Variants in TSNAX observed in about 807,000 individuals in gnomAD.
The protein encoded by TSNAX is translin associated factor X, also known as translin-associated protein X.
Under a neutral mutation model 33.0 loss-of-function variants are expected in TSNAX, and 12 were observed. The observed-to-expected ratio is 0.36, with a 90% CI of 0.23 to 0.59. The LOEUF is 0.59. Among genes scored for constraint, TSNAX ranks in the 20% least tolerant of loss-of-function variants. The pLI is 0.74. For missense variants in TSNAX, 267 were observed against 341.3 expected, an observed-to-expected ratio of 0.78 and a Z score of 1.72; for synonymous variants, 110 against 117.2, an observed-to-expected ratio of 0.94 and a Z score of 0.40.
rs1314379018 is a variant in TSNAX, at chr1:231,530,501, T to A, written c.121+1142T>A. Among the ~76,000 whole-genome samples the A allele has an allele frequency of 2.0e-5, 3 of 152,010 alleles. No individual in the cohort carries two copies. In the East Asian group the frequency reaches 5.8e-4, roughly 30 times the overall value. ...CGAGGCCATGAGTTTGAGACCAGCC[T>A]GGCCAACATGGTGAAACCCTGACTC... On this transcript the variant is annotated intron_variant, in intron 2 of 5. Coordinates refer to ENST00000366639, the MANE Select transcript of TSNAX (RefSeq NM_005999.3).
chr1:231,563,234 A>G (rs1028135177), intron 5 of TSNAX, among the ~76,000 whole-genome samples: 2 of 152,138 alleles, frequency 1.3e-5, no homozygotes, highest in Non-Finnish European at 2.9e-5. Flanking sequence ...AACTTCACCT[A>G]CCCTTTTATA....
At position 231,547,389 on chromosome 1, in the gene TSNAX, C is replaced by CTTT. The variant is rs71179784; in HGVS notation, c.367+4795_367+4797dup. Among the ~76,000 whole-genome samples, 47 of 104,686 alleles carry CTTT rather than the reference C, an allele frequency of 4.5e-4. 1 individual carries two copies. Among genetic ancestry groups the CTTT allele is most frequent in the African/African-American group, 7.2e-4 (19 of 26,298 alleles). The allele number at this position is 104,686 out of a possible 152,430, so 68.7% of individuals were successfully genotyped here. The stretch of plus-strand genomic sequence containing the variant: ...GCTAAAGGCTTTTTCTTTTTTTTTT[C>CTTT]TTTTTTTTTTTTTTTTTTTGAGATG... On this transcript the variant is annotated intron_variant, in intron 4 of 5. Transcript: ENST00000366639.
Position 231,532,862 on chromosome 1 carries a change from A to G in TSNAX, c.121+3503A>G, listed in dbSNP as rs575096440. 1.8e-4 allele frequency among the ~76,000 whole-genome samples: 28 copies of G among 152,268 alleles called. No homozygotes were observed. In the East Asian group the frequency reaches 5.2e-3, roughly 28 times the overall value. ...GATTTTATTCTCTTCATTTTCATAA[A>G]CTGAATAATTATTGCTTTCTTACAT... On this transcript the variant is annotated intron_variant, in intron 2 of 5. Coordinates refer to ENST00000366639, the MANE Select transcript of TSNAX (RefSeq NM_005999.3).
chr1:231,546,830 A>T (rs1271010539), intron 4 of TSNAX, among the ~76,000 whole-genome samples: 2 of 152,144 alleles, frequency 1.3e-5, no homozygotes, highest in African/African-American at 4.8e-5. Context: ...ATGATTTCCA[A>T]GATGAGCCAG....
intron 5 of TSNAX, 78 bp from the exon 6 acceptor site, chr1:231,564,450 C>T: frequency 6.6e-7 from 1 of 1,520,936 alleles, no homozygotes; most frequent in South Asian, 1.3e-5. Flanking sequence ...GTGATACATG[C>T]TATATTCACT....
chr1:231,562,406 ATTAAC>A (rs1661177835), intron 5 of TSNAX, among the ~76,000 whole-genome samples: 1 of 152,092 alleles, frequency 6.6e-6, no homozygotes, highest in Non-Finnish European at 1.5e-5. Context: ...GAAGCCATGT[ATTAAC>A]TTTAAGTTAT....
In TSNAX at chr1:231,538,043, ATAT is replaced by A. The variant is rs370304837; in HGVS notation, c.236+722_236+724del. Among the ~76,000 whole-genome samples, 397 of 152,254 alleles carry A rather than the reference ATAT, an allele frequency of 2.6e-3. 1 individual carries two copies. Among genetic ancestry groups the A allele is most frequent in the African/African-American group, 9.1e-3 (378 of 41,562 alleles). On this transcript the variant is annotated intron_variant, in intron 3 of 5. Transcript: ENST00000366639. ...TTATTGAAATGCCCTTGTTACCTTC[ATAT>A]TATTAAGTCTCTGTTTTCTTATTTT...
intron 4 of TSNAX, among the ~76,000 whole-genome samples, chr1:231,551,530 T>C (rs552201444): frequency 6.6e-6 from 1 of 152,330 alleles, no homozygotes; most frequent in Admixed American, 6.5e-5. Context: ...ATATAACCAT[T>C]AACAAATGTT....
At chr1:231,532,312 C>T (rs1051132732) in intron 2 of TSNAX, among the ~76,000 whole-genome samples, 13 of 151,836 alleles carry the variant, frequency 8.6e-5, no homozygotes, top group Admixed American at 8.5e-4. Flanking sequence ...CCACCTCAAC[C>T]TCCCAAGTAG....
chr1:231,530,559 T>C (rs1191705393), intron 2 of TSNAX, among the ~76,000 whole-genome samples: 3 of 151,882 alleles, frequency 2.0e-5, no homozygotes, highest in African/African-American at 7.3e-5. Context: ...CCGTCTCTAC[T>C]AAAAATACAA....
At chr1:231,559,985 A>ATTTTTT (rs1220762707) in intron 4 of TSNAX, among the ~76,000 whole-genome samples, 2 of 142,344 alleles carry the variant, frequency 1.4e-5, no homozygotes, top group Non-Finnish European at 3.0e-5. Flanking sequence ...TATTATTATT[A>ATTTTTT]TTTTTTTTTT....
intron 4 of TSNAX, among the ~76,000 whole-genome samples, chr1:231,548,637 A>G (rs1365400260): frequency 2.0e-5 from 3 of 152,260 alleles, no homozygotes; most frequent in Non-Finnish European, 2.9e-5. Context: ...GGTTTGGCCA[A>G]CTGGATGAAT....
intron 2 of TSNAX, among the ~76,000 whole-genome samples, chr1:231,530,353 A>G (rs1054951767): frequency 6.6e-6 from 1 of 152,218 alleles, no homozygotes; most frequent in Non-Finnish European, 1.5e-5. Context: ...GATCGTCAGA[A>G]GTTTAAGACA....
intron 4 of TSNAX, among the ~76,000 whole-genome samples, chr1:231,552,412 T>C (rs1186906441): frequency 6.6e-6 from 1 of 152,200 alleles, no homozygotes; most frequent in African/African-American, 2.4e-5. Flanking sequence ...CATATAGATA[T>C]ATTTATTTTC....
At position 231,561,054 on chromosome 1, in the gene TSNAX, A is replaced by G. The variant is rs772461534; in HGVS notation, c.368-74A>G. 2.6e-5 allele frequency: 38 copies of G among 1,460,956 alleles called. No homozygotes were observed. In the Admixed American group the frequency reaches 4.4e-4, roughly 17 times the overall value. The allele number at this position is 1,460,956 out of a possible 1,614,324, so 90.5% of individuals were successfully genotyped here. On this transcript the variant is annotated intron_variant, in intron 4 of 5. Coordinates refer to ENST00000366639, the MANE Select transcript of TSNAX (RefSeq NM_005999.3). ...TTTTTTGAACTAGATGATGATCAAT[A>G]TGAAGTTTTTTTATTATGACATTCT... is the stretch of plus-strand genomic sequence containing the variant.
At chr1:231,551,448 G>A (rs1254053113) in intron 4 of TSNAX, among the ~76,000 whole-genome samples, 1 of 152,120 alleles carries the variant, frequency 6.6e-6, no homozygotes, top group Admixed American at 6.5e-5. Context: ...TTTAGCATGA[G>A]AACATTAATA....
Position 231,564,770 on chromosome 1 carries a change from G to A in TSNAX, c.738G>A (p.Leu246=), listed in dbSNP as rs775462552. The part of the protein sequence containing the change: ...PYEVSKKLYT[L]KQSLAKVENA... The stretch of plus-strand genomic sequence containing the variant: ...AGGTTTCTAAGAAGCTGTATACCTT[G>A]AAACAAAGTTTGGCCAAAGTGGAGA... Residue 246 remains leucine (L), a synonymous_variant, in exon 6 of 6, where the codon TTG becomes TTA. Transcript: ENST00000366639. The A allele has an allele frequency of 1.2e-5, 19 of 1,614,060 alleles. No individual in the cohort carries two copies. The South Asian group carries it at 2.1e-4, about 18-fold the overall frequency.
chr1:231,554,477 G>A (rs1395305327), intron 4 of TSNAX: 1 of 152,152 alleles, frequency 6.6e-6, no homozygotes, highest in African/African-American at 2.4e-5. Context: ...GAGTTCTAGG[G>A]TGCAAAATAG....
chr1:231,541,697 T>C (rs982110141), intron 3 of TSNAX, among the ~76,000 whole-genome samples: 3 of 152,350 alleles, frequency 2.0e-5, no homozygotes, highest in South Asian at 2.1e-4. Flanking sequence ...AGAACTTCTT[T>C]TAATATTTTT....
Sources: allele counts gnomAD v4.1 joint callset (sites outside exome capture counted in the v4.1 genomes callset), GRCh38; gene constraint gnomAD v4.1.1; transcripts MANE v1.5; gene names NCBI Gene and HGNC (gene_info 2026-07-23, HGNC 2026-07-21).